Variants in ZNF317 observed in about 807,000 individuals in gnomAD.
ZNF317 encodes the protein KRAB-containing zinc finger protein 317.
In ZNF317, 17 loss-of-function variants were observed where a neutral mutation model predicts 23.4. That is an observed-to-expected ratio of 0.73 (90% CI 0.50 to 1.09). The LOEUF is 1.09. Ranked by LOEUF, ZNF317 falls within the 50% of genes least tolerant of loss-of-function variation. The pLI, the probability that ZNF317 is intolerant of heterozygous loss-of-function variation, is 0.00. For synonymous variants in ZNF317, 317 were observed against 314.9 expected (o/e 1.01, Z -0.07); for missense variants, 679 against 796.7 (o/e 0.85, Z 1.78).
rs372294186 is a variant in ZNF317 at position 9,161,435 on chromosome 19, C to T, written c.*2C>T. The T allele has an allele frequency of 8.2e-5, 131 of 1,606,596 alleles. No individual in the cohort carries two copies. Among genetic ancestry groups the T allele is most frequent in the African/African-American group, 1.7e-4 (13 of 74,910 alleles). On this transcript the variant is annotated 3_prime_UTR_variant, in exon 7 of 7. Transcript: ENST00000247956. This position sits in a 1 kb window ranked among gnomAD's most constrained non-coding sequence, Gnocchi z 4.0. ...TCCGTGTGGAAAAGGCTCCAGTGAG[C>T]GCGCCTGCTTTAGAGACACAGGATG...
chr19:9,155,044 C>G (rs182982131), intron 1 of ZNF317, among the ~76,000 whole-genome samples: 185 of 152,044 alleles, frequency 1.2e-3, no homozygotes, highest in African/African-American at 4.4e-3. Context: ...TTCTTTCTTT[C>G]TGTTTTGAAG....
chr19:9,146,925 A>G (rs1465766309), intron 1 of ZNF317, among the ~76,000 whole-genome samples: 1 of 152,214 alleles, frequency 6.6e-6, no homozygotes, highest in Non-Finnish European at 1.5e-5. Flanking sequence ...AAAGCTCATA[A>G]TGGAACAGTT....
intron 1 of ZNF317, among the ~76,000 whole-genome samples, chr19:9,143,537 T>C (rs1488549686): frequency 6.6e-6 from 1 of 152,134 alleles, no homozygotes; most frequent in African/African-American, 2.4e-5. Flanking sequence ...TAATTTTCAT[T>C]TCTGTGACTT....
At chr19:9,147,757 A>C (rs2050698986) in intron 1 of ZNF317, among the ~76,000 whole-genome samples, 1 of 152,064 alleles carries the variant, frequency 6.6e-6, no homozygotes, top group African/African-American at 2.4e-5. Context: ...AGATGCTGAA[A>C]TCTTCCTGCT....
chr19:9,141,260 CA>C (rs1451425427), intron 1 of ZNF317, among the ~76,000 whole-genome samples: 2 of 151,742 alleles, frequency 1.3e-5, no homozygotes. Flanking sequence ...GACATACATG[CA>C]AAAAAAGTAT....
At chr19:9,144,151 T>C (rs779163298) in intron 1 of ZNF317, among the ~76,000 whole-genome samples, 2 of 151,940 alleles carry the variant, frequency 1.3e-5, no homozygotes, top group Admixed American at 6.6e-5. Context: ...TACAGGCGCA[T>C]GGCACCACAC....
At chr19:9,158,191 TC>T in intron 5 of ZNF317, 116 bp downstream of exon 5, 1 of 1,311,360 alleles carries the variant, frequency 7.6e-7, no homozygotes, top group South Asian at 1.7e-5. Context: ...GCTCCTTCCC[TC>T]TTTTTGCCCA....
intron 1 of ZNF317, among the ~76,000 whole-genome samples, chr19:9,149,611 C>A (rs1351389341): frequency 6.6e-6 from 1 of 151,942 alleles, no homozygotes; most frequent in Non-Finnish European, 1.5e-5. Flanking sequence ...GGTGCACAGA[C>A]CCTGAGGTGG....
In ZNF317 at chr19:9,160,785, C is replaced by CAAGAAG. The variant is rs779119808; in HGVS notation, c.1143_1148dup (p.Lys381_Lys382dup). 1.1e-5 allele frequency: 18 copies of CAAGAAG among 1,613,948 alleles called. No individual in the cohort carries two copies. The highest frequency in any genetic ancestry group is 1.4e-5 in the Non-Finnish European group (17 of 1,180,034). On this transcript the variant is annotated inframe_insertion, in exon 7 of 7. Transcript: ENST00000247956. This position sits in a 1 kb window ranked among gnomAD's most constrained non-coding sequence, Gnocchi z 6.8. ...GCTGGAAGTCCAACTTTAATTTGCA[C>CAAGAAG]AAGAAGAACCACATGGTGGAGAAGA...
In ZNF317 at chr19:9,158,851, G is replaced by C. The variant is rs915797170; in HGVS notation, c.411G>C (p.Lys137Asn). 6.2e-7 allele frequency: 1 copy of C among 1,612,496 alleles called. No individual in the cohort carries two copies. Among genetic ancestry groups the C allele is most frequent in the African/African-American group, 1.3e-5 (1 of 75,008 alleles). ...ATTGGGAGACTCCATCTAAAACCAAGTGGTCACTTCTTATGGAAGATATTT... is the reference window on the plus strand; with the variant it reads ...ATTGGGAGACTCCATCTAAAACCAACTGGTCACTTCTTATGGAAGATATTT... ...CADWETPSKT[K>N]WSLLMEDIFG... Residue 137 changes from lysine to asparagine, a missense_variant, in exon 6 of 7, where the codon AAG becomes AAC. By Grantham distance (94) the Lys-to-Asn change is moderately conservative (BLOSUM62 0). Transcript: ENST00000247956.
At chr19:9,151,004 T>G (rs2145947913) in intron 1 of ZNF317, among the ~76,000 whole-genome samples, 1 of 152,276 alleles carries the variant, frequency 6.6e-6, no homozygotes, top group East Asian at 1.9e-4. Context: ...CAGGAGAATG[T>G]CTCATACCTT....
At chr19:9,157,050 T>C in intron 3 of ZNF317, 1 of 647,248 alleles carries the variant, frequency 1.5e-6, no homozygotes, top group Non-Finnish European at 2.6e-6. Context: ...TAGTCCCTTG[T>C]CAGGGTTGCA....
intron 3 of ZNF317, 144 bp from the exon 4 acceptor site, chr19:9,157,124 C>A: frequency 1.0e-6 from 1 of 992,048 alleles, no homozygotes; most frequent in Non-Finnish European, 1.5e-6. Flanking sequence ...AGGACTGATG[C>A]CTGGAGGAAA....
intron 1 of ZNF317, among the ~76,000 whole-genome samples, chr19:9,148,859 G>A (rs1407373434): frequency 6.6e-6 from 1 of 152,204 alleles, no homozygotes; most frequent in Non-Finnish European, 1.5e-5. Flanking sequence ...GGAGCTGGCA[G>A]GGGCATGTGA....
intron 1 of ZNF317, among the ~76,000 whole-genome samples, chr19:9,149,465 C>A (rs1342221392): frequency 1.3e-5 from 2 of 151,938 alleles, no homozygotes; most frequent in Non-Finnish European, 2.9e-5. Flanking sequence ...GAGCGAGACT[C>A]CATCTCAAAA....
chr19:9,160,719 G>GGA lies in ZNF317; in HGVS notation c.1077_1078dup (p.Lys360ArgfsTer51), dbSNP rs1295748491. 1.2e-6 allele frequency: 2 copies of GGA among 1,614,052 alleles called. No homozygotes were observed. The highest frequency in any genetic ancestry group is 1.7e-6 in the Non-Finnish European group (2 of 1,180,042). ...AAGAGCACGTGAGGAATCACACGGG[G>GGA]GAGAAGCCCTACGCGTGCACGCAGT... On this transcript the variant is annotated frameshift_variant, in exon 7 of 7. Transcript: ENST00000247956. LOFTEE classifies it low-confidence loss of function (END_TRUNC). This position sits in a 1 kb window ranked among gnomAD's most constrained non-coding sequence, Gnocchi z 6.8.
intron 1 of ZNF317, among the ~76,000 whole-genome samples, chr19:9,150,648 G>T (rs2050728469): frequency 6.6e-6 from 1 of 152,206 alleles, no homozygotes; most frequent in Admixed American, 6.5e-5. Context: ...AGAGCAACCA[G>T]AGATGTGAGC....
chr19:9,160,505 T>C lies in ZNF317; in HGVS notation c.860T>C (p.Phe287Ser). ...PFDCSQCGNA[F>S]RTLSALKIHM... is the part of the protein sequence containing the mutation. The stretch of plus-strand genomic sequence containing the variant: ...GACTGCAGTCAGTGTGGAAATGCAT[T>C]CCGGACCCTCTCGGCCCTGAAAATC... Residue 287 changes from phenylalanine (F) to serine (S), a missense_variant, in exon 7 of 7, where the codon TTC becomes TCC. Physicochemically the swap from Phe to Ser is radical, Grantham distance 155. Transcript: ENST00000247956. The surrounding 1 kb of genome is among the most constrained non-coding windows in gnomAD (Gnocchi z 6.8). The C allele has an allele frequency of 6.2e-7, 1 of 1,614,092 alleles. No homozygotes were observed. Among genetic ancestry groups the C allele is most frequent in the Non-Finnish European group, 8.5e-7 (1 of 1,180,022 alleles).
rs2145960939 is a variant in ZNF317 at position 9,160,012 on chromosome 19, A to C, written c.469-102A>C. 1.3e-6 allele frequency: 2 copies of C among 1,515,032 alleles called. No individual in the cohort carries two copies. Among genetic ancestry groups the C allele is most frequent in the South Asian group, 2.5e-5 (2 of 80,368 alleles). 93.8% of individuals were successfully genotyped at this position (1,515,032 alleles called of 1,614,324 possible). ...AGATGGTTACAGCTCTAGTCATAGT[A>C]ATGTGCTTCTATCTGTTCATAGCAG... is the stretch of plus-strand genomic sequence containing the variant. On this transcript the variant is annotated intron_variant, in intron 6 of 6. Coordinates refer to ENST00000247956, the MANE Select transcript of ZNF317 (RefSeq NM_020933.5). The surrounding 1 kb of genome is among the most constrained non-coding windows in gnomAD (Gnocchi z 6.8).
Sources: gnomAD v4.1 joint callset for allele counts (sites outside exome capture counted in the v4.1 genomes callset) on GRCh38, gnomAD v4.1.1 for gene constraint, Gnocchi (gnomAD v3.1) non-coding constraint, MANE v1.5 for transcripts, NCBI Gene and HGNC (gene_info 2026-07-23, HGNC 2026-07-21) for gene names.